The following ANKIB1 variants were observed in gnomAD, a reference collection of about 807,000 sequenced individuals.
The protein encoded by ANKIB1 is ankyrin repeat and IBR domain containing 1, also known as ankyrin repeat and IBR domain-containing protein 1.
In ANKIB1, 43 loss-of-function variants were observed where a neutral mutation model predicts 122.1. The ratio of observed to expected loss-of-function variants is 0.35; its 90% confidence interval spans 0.28 to 0.45. The LOEUF is 0.45. Among genes scored for constraint, ANKIB1 ranks in the 20% least tolerant of loss-of-function variants. ANKIB1 has a pLI of 1.00. For synonymous variants in ANKIB1, 390 were observed against 442.0 expected (o/e 0.88, Z 1.48); for missense variants, 992 against 1,329.5 (o/e 0.75, Z 3.95).
intron 5 of ANKIB1, among the ~76,000 whole-genome samples, chr7:92,336,446 A>G (rs537688378): frequency 3.9e-5 from 6 of 152,124 alleles, no homozygotes; most frequent in African/African-American, 1.4e-4. Flanking sequence ...ACTAATTCCA[A>G]TATATGGATT....
intron 5 of ANKIB1, among the ~76,000 whole-genome samples, chr7:92,329,607 T>C (rs1803117244): frequency 6.6e-6 from 1 of 152,226 alleles, no homozygotes. Flanking sequence ...CTATTATTTC[T>C]CACAATCTAT....
In ANKIB1 at chr7:92,327,813, C is replaced by T; in HGVS notation, c.700C>T (p.Arg234Cys). 1 of 1,584,200 alleles carries T rather than the reference C, an allele frequency of 6.3e-7. No individual in the cohort carries two copies. ...TGAAGGATTAAGGCCTCAGGATCTT[C>T]GTAGACTAAAAGATATGCTTATTGT... ...PYEGLRPQDLRRLKDMLIVET... is the reference protein window; with the variant it reads ...PYEGLRPQDLCRLKDMLIVET... Residue 234 changes from arginine to cysteine, a missense_variant, in exon 5 of 20, where the codon CGT (arginine) becomes TGT (cysteine). By Grantham distance (180) the Arg-to-Cys change is radical. Transcript: ENST00000265742.
At chr7:92,359,206 T>C (rs1803889645) in intron 9 of ANKIB1, among the ~76,000 whole-genome samples, 2 of 152,232 alleles carry the variant, frequency 1.3e-5, no homozygotes, top group Admixed American at 1.3e-4. Flanking sequence ...TTTCTTCTAA[T>C]GCTATCCCTC....
chr7:92,357,262 A>G lies in ANKIB1; in HGVS notation c.1397+4620A>G, dbSNP rs373926097. On this transcript the variant is annotated intron_variant, in intron 9 of 19. Coordinates refer to ENST00000265742, the MANE Select transcript of ANKIB1 (RefSeq NM_019004.2). Reference sequence around the variant, plus strand: ...TTTTTTTTCTTTATAATCTTTTACCAGGGTACTTTTTTACCTGAATAAACC... The same window carrying G: ...TTTTTTTTCTTTATAATCTTTTACCGGGGTACTTTTTTACCTGAATAAACC... 1.5e-4 allele frequency among the ~76,000 whole-genome samples: 23 copies of G among 152,036 alleles called. No homozygotes were observed. The East Asian group carries it at 2.5e-3, about 17-fold the overall frequency.
At chr7:92,259,663 A>G (rs1801519583) in intron 1 of ANKIB1, among the ~76,000 whole-genome samples, 1 of 152,190 alleles carries the variant, frequency 6.6e-6, no homozygotes, top group African/African-American at 2.4e-5. Context: ...CAGCTTCAGA[A>G]TAGTATATCC....
chr7:92,327,870 T>C lies in ANKIB1; in HGVS notation c.757T>C (p.Phe253Leu), dbSNP rs1308845763. The change falls in exon 5 of 20, where the codon TTT becomes CTT. Residue 253 changes from phenylalanine (F) to leucine (L), a missense_variant. Phe to Leu is a conservative substitution (Grantham distance 22, BLOSUM62 0). This residue lies in a region of ANKIB1 where 521 missense variants were observed against 777.7 expected (regional missense o/e 0.67). Transcript: ENST00000265742. ...TGCAGACATGCTTCAGGCTCCTCTC[T>C]TTACTGCTGAAGCTTTACTTCGAGC... ...ETADMLQAPL[F>L]TAEALLRAHD... 6.3e-7 allele frequency: 1 copy of C among 1,592,782 alleles called. No homozygotes were observed. The highest frequency in any genetic ancestry group is 1.4e-5 in the African/African-American group (1 of 73,596).
intron 11 of ANKIB1, among the ~76,000 whole-genome samples, chr7:92,379,345 T>A (rs1165171198): frequency 3.3e-5 from 5 of 152,166 alleles, no homozygotes; most frequent in Non-Finnish European, 5.9e-5. Context: ...TGAGCCGAGT[T>A]ACTGCCACTG....
intron 5 of ANKIB1, among the ~76,000 whole-genome samples, chr7:92,330,597 C>A (rs1169829166): frequency 1.3e-5 from 2 of 152,070 alleles, no homozygotes; most frequent in Non-Finnish European, 2.9e-5. Context: ...AATCACAGCA[C>A]TTTGGGAGGC....
intron 1 of ANKIB1, among the ~76,000 whole-genome samples, chr7:92,289,355 GTAGTGATT>G (rs1802201163): frequency 6.6e-6 from 1 of 152,142 alleles, no homozygotes; most frequent in Non-Finnish European, 1.5e-5. Context: ...CTCCATAAAT[GTAGTGATT>G]TTTATCCTTT....
chr7:92,398,730 G>A lies in ANKIB1; in HGVS notation c.3051G>A (p.Val1017=), dbSNP rs147675938. Residue 1017 remains valine (V), a synonymous_variant, in exon 20 of 20, where the codon GTG becomes GTA. Coordinates refer to ENST00000265742, the MANE Select transcript of ANKIB1 (RefSeq NM_019004.2). The part of the protein sequence containing the change: ...GSEGVKDVEL[V]LPEDSMFEDA... ...AAGGTGTGAAGGATGTGGAACTGGT[G>A]CTGCCAGAAGATTCAATGTTTGAAG... 6.2e-7 allele frequency: 1 copy of A among 1,613,478 alleles called. No individual in the cohort carries two copies. Among genetic ancestry groups the A allele is most frequent in the Non-Finnish European group, 8.5e-7 (1 of 1,179,622 alleles).
At chr7:92,368,369 G>GA (rs1170920753) in intron 10 of ANKIB1, among the ~76,000 whole-genome samples, 1 of 151,334 alleles carries the variant, frequency 6.6e-6, no homozygotes, top group African/African-American at 2.4e-5. Context: ...CAGTAGAGGT[G>GA]AAAAAATCTC....
At chr7:92,342,036 A>G (rs191166628) in intron 5 of ANKIB1, among the ~76,000 whole-genome samples, 13 of 152,160 alleles carry the variant, frequency 8.5e-5, no homozygotes, top group African/African-American at 2.9e-4. Flanking sequence ...TGCCAAATAC[A>G]TCGGCTTAAT....
chr7:92,309,923 T>TAAAAAAAAAAAAA (rs869276384), intron 3 of ANKIB1, among the ~76,000 whole-genome samples: 6 of 96,052 alleles, frequency 6.2e-5, no homozygotes, highest in East Asian at 9.4e-4. Context: ...AGACTCCATC[T>TAAAAAAAAAAAAA]AAAAAAAAAA....
chr7:92,370,762 A>G (rs1485157769), intron 10 of ANKIB1, among the ~76,000 whole-genome samples: 2 of 152,140 alleles, frequency 1.3e-5, no homozygotes, highest in African/African-American at 4.8e-5. Flanking sequence ...AAAGAAAAAC[A>G]TGGAGAGATT....
rs1221708752 is a variant in ANKIB1 at position 92,246,121 on chromosome 7, G to A, written c.-489G>A. On this transcript the variant is annotated 5_prime_UTR_variant, in exon 1 of 20. Transcript: ENST00000265742. ...GGAGCCGGAGCCGGAGGCGGGGGAG[G>A]GGAAGAGGGCGGCCGGGGCTGCGAG... is the stretch of plus-strand genomic sequence containing the variant. 4 of 287,128 alleles carry A rather than the reference G, an allele frequency of 1.4e-5. No individual in the cohort carries two copies. Among genetic ancestry groups the A allele is most frequent in the Admixed American group, 1.2e-4 (2 of 16,358 alleles). The allele number at this position is 287,128 out of a possible 1,614,324, so 17.8% of individuals were successfully genotyped here.
intron 1 of ANKIB1, among the ~76,000 whole-genome samples, chr7:92,272,849 T>C (rs1801824885): frequency 6.6e-6 from 1 of 152,192 alleles, no homozygotes; most frequent in African/African-American, 2.4e-5. Flanking sequence ...TATAGCCTGC[T>C]ATACACCCAG....
At chr7:92,376,448 T>TTA (rs1444075156) in intron 11 of ANKIB1, among the ~76,000 whole-genome samples, 1 of 148,690 alleles carries the variant, frequency 6.7e-6, no homozygotes, top group East Asian at 2.2e-4. Context: ...TTTTTTTATT[T>TTA]TTTATTTTTT....
intron 3 of ANKIB1, among the ~76,000 whole-genome samples, chr7:92,308,537 T>C (rs1395106839): frequency 6.6e-6 from 1 of 152,146 alleles, no homozygotes; most frequent in Non-Finnish European, 1.5e-5. Context: ...TTAAAATGTG[T>C]ATTTTTCTGT....
At chr7:92,367,670 A>C (rs906128322) in intron 10 of ANKIB1, among the ~76,000 whole-genome samples, 1 of 152,210 alleles carries the variant, frequency 6.6e-6, no homozygotes, top group African/African-American at 2.4e-5. Context: ...AAATCAATTC[A>C]AGGAATTAAT....
Sources: gnomAD v4.1 joint callset for allele counts (sites outside exome capture counted in the v4.1 genomes callset) on GRCh38, gnomAD v4.1.1 for gene constraint, gnomAD v4.1.1 regional missense constraint, MANE v1.5 for transcripts, NCBI Gene and HGNC (gene_info 2026-07-23, HGNC 2026-07-21) for gene names.